PPP1R1C: variants seen among roughly 807,000 people sequenced by gnomAD.
PPP1R1C encodes protein phosphatase 1 regulatory subunit 1C.
A neutral mutation model predicts 17.4 loss-of-function variants in PPP1R1C; 15 were observed. The observed-to-expected ratio is 0.86, with a 90% CI of 0.58 to 1.33. The LOEUF is 1.33. Ranked by LOEUF, PPP1R1C falls within the 40% of genes most tolerant of loss-of-function variation. The pLI, the probability that PPP1R1C is intolerant of heterozygous loss-of-function variation, is 0.00. For missense variants in PPP1R1C, 143 were observed against 130.0 expected, an observed-to-expected ratio of 1.10 and a Z score of -0.48; for synonymous variants, 35 against 43.1, an observed-to-expected ratio of 0.81 and a Z score of 0.73.
At chr2:182,115,985 T>C (rs1396994194) in intron 4 of PPP1R1C, among the ~76,000 whole-genome samples, 1 of 152,150 alleles carries the variant, frequency 6.6e-6, no homozygotes, top group Non-Finnish European at 1.5e-5. Context: ...ACGTTAACTA[T>C]CACTATATGC....
At chr2:182,113,036 G>T (rs1689486083) in intron 4 of PPP1R1C, among the ~76,000 whole-genome samples, 1 of 152,044 alleles carries the variant, frequency 6.6e-6, no homozygotes, top group African/African-American at 2.4e-5. Flanking sequence ...TTCCTTTGTG[G>T]ATTAATAGCA....
intron 2 of PPP1R1C, among the ~76,000 whole-genome samples, chr2:182,030,016 G>T (rs1686764528): frequency 9.4e-6 from 1 of 106,000 alleles, no homozygotes; most frequent in Non-Finnish European, 1.9e-5. Context: ...GGCTCCTGAG[G>T]CTTCTGCATT....
intron 2 of PPP1R1C, among the ~76,000 whole-genome samples, chr2:181,989,561 A>G (rs1421525657): frequency 6.6e-6 from 1 of 152,232 alleles, no homozygotes; most frequent in Non-Finnish European, 1.5e-5. Context: ...AAATCCAAAC[A>G]AAGTAAATCC....
chr2:181,984,442 A>G (rs1262986066), upstream of PPP1R1C, among the ~76,000 whole-genome samples: 1 of 152,226 alleles, frequency 6.6e-6, no homozygotes, highest in African/African-American at 2.4e-5. Flanking sequence ...AATGATATCA[A>G]TTTAGATTTT....
intron 2 of PPP1R1C, among the ~76,000 whole-genome samples, chr2:182,018,506 C>T (rs1002317785): frequency 1.7e-4 from 26 of 152,058 alleles, no homozygotes; most frequent in African/African-American, 6.0e-4. Flanking sequence ...TGGAGGGAGA[C>T]CTTATAAAGT....
At chr2:181,977,240 G>A (rs1685109901) in intron 2 of PPP1R1C, among the ~76,000 whole-genome samples, 1 of 142,814 alleles carries the variant, frequency 7.0e-6, no homozygotes, top group Non-Finnish European at 1.5e-5. Flanking sequence ...CTAGAATTCA[G>A]TGGATAATTT....
chr2:181,969,641 G>A (rs1250520864), intron 1 of PPP1R1C, among the ~76,000 whole-genome samples: 1 of 152,016 alleles, frequency 6.6e-6, no homozygotes, highest in Non-Finnish European at 1.5e-5. Context: ...CTGGTATCTT[G>A]ATATCTTTCT....
intron 4 of PPP1R1C, among the ~76,000 whole-genome samples, chr2:182,089,382 C>T (rs1425587524): frequency 6.6e-6 from 1 of 152,128 alleles, no homozygotes; most frequent in Non-Finnish European, 1.5e-5. Flanking sequence ...TTAACTGGCC[C>T]AACTACCACA....
At chr2:182,023,520 T>A (rs1237995147) in intron 2 of PPP1R1C, among the ~76,000 whole-genome samples, 2 of 152,068 alleles carry the variant, frequency 1.3e-5, no homozygotes, top group Non-Finnish European at 2.9e-5. Context: ...AAAAACAAAT[T>A]ATATAGTATC....
chr2:182,127,491 C>A (rs1335107681), intron 5 of PPP1R1C, among the ~76,000 whole-genome samples: 1 of 152,052 alleles, frequency 6.6e-6, no homozygotes, highest in Non-Finnish European at 1.5e-5. Context: ...AAGACACCAA[C>A]AAGCAACAGG....
At chr2:182,071,619 A>G (rs945781166) in intron 4 of PPP1R1C, among the ~76,000 whole-genome samples, 1 of 152,182 alleles carries the variant, frequency 6.6e-6, no homozygotes, top group African/African-American at 2.4e-5. Context: ...GCTGCACTCT[A>G]CTTCCTTGAA....
chr2:182,101,958 G>C (rs894965003), intron 4 of PPP1R1C, among the ~76,000 whole-genome samples: 1 of 152,064 alleles, frequency 6.6e-6, no homozygotes, highest in Non-Finnish European at 1.5e-5. Flanking sequence ...AGCCAAGGGG[G>C]GTTTCTCACC....
At chr2:182,063,000 A>C (rs1292464631) in intron 3 of PPP1R1C, among the ~76,000 whole-genome samples, 1 of 152,080 alleles carries the variant, frequency 6.6e-6, no homozygotes, top group Non-Finnish European at 1.5e-5. Flanking sequence ...AGACCATGTA[A>C]TTTATTAAAT....
intron 4 of PPP1R1C, among the ~76,000 whole-genome samples, chr2:182,090,579 T>C (rs1688753699): frequency 6.6e-6 from 1 of 152,216 alleles, no homozygotes; most frequent in Non-Finnish European, 1.5e-5. Context: ...TTTCTTTAAA[T>C]GCTGTGCTTA....
At chr2:181,971,243 C>G (rs1217929077) in intron 1 of PPP1R1C, among the ~76,000 whole-genome samples, 1 of 152,206 alleles carries the variant, frequency 6.6e-6, no homozygotes, top group Non-Finnish European at 1.5e-5. Flanking sequence ...CTGCCTATCA[C>G]TGCTGATTAT....
chr2:182,038,042 T>TTA (rs1157374230), intron 2 of PPP1R1C, among the ~76,000 whole-genome samples: 2 of 151,884 alleles, frequency 1.3e-5, no homozygotes, highest in East Asian at 1.9e-4. Flanking sequence ...GTATTTTATT[T>TTA]TATATATATA....
chr2:181,959,041 A>G (rs1425523192), intron 1 of PPP1R1C, among the ~76,000 whole-genome samples: 1 of 152,236 alleles, frequency 6.6e-6, no homozygotes, highest in Non-Finnish European at 1.5e-5. Context: ...CGTTAGTATA[A>G]TAGATATTAC....
chr2:181,991,871 TA>T (rs999779950), intron 2 of PPP1R1C, among the ~76,000 whole-genome samples: 1 of 152,198 alleles, frequency 6.6e-6, no homozygotes, highest in Admixed American at 6.5e-5. Context: ...GGTTCCTATA[TA>T]TTTTTTTTTA....
chr2:181,960,395 T>C (rs1013607479), intron 1 of PPP1R1C, among the ~76,000 whole-genome samples: 8 of 152,236 alleles, frequency 5.3e-5, no homozygotes, highest in African/African-American at 1.9e-4. Context: ...GGTCTGGTAA[T>C]GTCTGTTGAT....
Sources: allele counts gnomAD v4.1 joint callset (sites outside exome capture counted in the v4.1 genomes callset), GRCh38; gene constraint gnomAD v4.1.1; transcripts MANE v1.5; gene names NCBI Gene and HGNC (gene_info 2026-07-23, HGNC 2026-07-21).